Variants in CACNA1A observed in about 807,000 individuals in gnomAD.
CACNA1A encodes the protein voltage-dependent P/Q-type calcium channel subunit alpha-1A.
Under a neutral mutation model 262.4 loss-of-function variants are expected in CACNA1A, and 57 were observed. The observed-to-expected ratio is 0.22, with a 90% confidence interval of 0.18 to 0.27. The LOEUF (loss-of-function observed/expected upper bound fraction) is 0.27. Ranked by LOEUF, CACNA1A falls within the 10% of genes least tolerant of loss-of-function variation. The pLI is 1.00. For synonymous variants in CACNA1A, 1,431 were observed against 1,419.3 expected, an observed-to-expected ratio of 1.01 and a Z score of -0.18; for missense variants, 2,526 against 3,562.8, an observed-to-expected ratio of 0.71 and a Z score of 7.41.
chr19:13,443,909 G>A (rs2060766586), intron 3 of CACNA1A, among the ~76,000 whole-genome samples: 1 of 152,134 alleles, frequency 6.6e-6, no homozygotes, highest in Non-Finnish European at 1.5e-5. Flanking sequence ...CTGTACAAAG[G>A]CTAGCGAGGC....
intron 3 of CACNA1A, among the ~76,000 whole-genome samples, chr19:13,410,182 T>C (rs925224411): frequency 2.0e-5 from 3 of 151,880 alleles, no homozygotes; most frequent in Admixed American, 6.6e-5. Flanking sequence ...CATGTTTTTC[T>C]CCCCTAATAG....
At chr19:13,495,784 C>T (rs564476444) in intron 1 of CACNA1A, among the ~76,000 whole-genome samples, 1 of 151,976 alleles carries the variant, frequency 6.6e-6, no homozygotes, top group Non-Finnish European at 1.5e-5. Flanking sequence ...ATCCACTCAT[C>T]CACCCATCCA....
chr19:13,212,827 T>TACACACACACACACACACACACACAC lies in CACNA1A; in HGVS notation c.5941-88_5941-87insGTGTGTGTGTGTGTGTGTGTGTGTGT, dbSNP rs61178346. 2 of 472,548 alleles carry TACACACACACACACACACACACACAC rather than the reference T, an allele frequency of 4.2e-6. No homozygotes were observed. The highest frequency in any genetic ancestry group is 4.1e-5 in the African/African-American group (2 of 48,454). The allele number at this position is 472,548 out of a possible 1,614,324, so 29.3% of individuals were successfully genotyped here. A position where few individuals can be genotyped will look rare whatever the true frequency, so the allele number is the denominator to read the frequency against. The stretch of plus-strand genomic sequence containing the variant: ...AGAAGGCATTGCGACATCCCCAGTA[T>TACACACACACACACACACACACACAC]ACACACACACACACACACACACTCT... On this transcript the variant is annotated intron_variant, in intron 40 of 46. Coordinates refer to ENST00000360228, the MANE Select transcript of CACNA1A (RefSeq NM_001127222.2). The surrounding 1 kb of genome is among the most constrained non-coding windows in gnomAD (Gnocchi z 5.6).
rs2054592025 is a variant in CACNA1A, at chr19:13,206,974, C to CA, written c.*338dup. On this transcript the variant is annotated 3_prime_UTR_variant, in exon 47 of 47. Transcript: ENST00000360228. ...TTTTTTTTTTTTTTTTTTTTTTTTT[C>CA]ATGTTCCCCAAAGTTCTCCAAAAAT... 2 of 44,672 alleles carry CA rather than the reference C, an allele frequency of 4.5e-5. No homozygotes were observed. The highest frequency in any genetic ancestry group is 5.9e-4 in the East Asian group (1 of 1,708). The allele number at this position is 44,672 out of a possible 1,614,324, so 2.8% of individuals were successfully genotyped here.
chr19:13,429,341 C>T (rs113408694), intron 3 of CACNA1A, among the ~76,000 whole-genome samples: 169 of 151,720 alleles, frequency 1.1e-3, no homozygotes, highest in Middle Eastern at 3.4e-3. Flanking sequence ...AGATGCCACA[C>T]GCTGCCTGCC....
intron 10 of CACNA1A, among the ~76,000 whole-genome samples, chr19:13,319,037 T>C (rs1379293334): frequency 4.0e-5 from 6 of 151,730 alleles, no homozygotes; most frequent in African/African-American, 1.2e-4. Flanking sequence ...TACAGGCACG[T>C]ACCACCATGC....
intron 24 of CACNA1A, among the ~76,000 whole-genome samples, chr19:13,265,569 C>T (rs1169901869): frequency 6.6e-6 from 1 of 152,142 alleles, no homozygotes; most frequent in Non-Finnish European, 1.5e-5. Context: ...GTGAGACACA[C>T]GTTGGACAGT....
chr19:13,449,738 GA>G (rs2060881174), intron 3 of CACNA1A, among the ~76,000 whole-genome samples: 1 of 152,178 alleles, frequency 6.6e-6, no homozygotes, highest in Non-Finnish European at 1.5e-5. Context: ...GCCAAAGTGT[GA>G]ATACATAAAT....
chr19:13,466,091 T>A (rs1235704192), intron 1 of CACNA1A, among the ~76,000 whole-genome samples: 2 of 152,038 alleles, frequency 1.3e-5, no homozygotes, highest in Non-Finnish European at 2.9e-5. Context: ...TAGACAGAGG[T>A]GGTAGTTACA....
chr19:13,226,878 A>AG (rs1485051517), intron 37 of CACNA1A: 2 of 152,502 alleles, frequency 1.3e-5, no homozygotes, highest in East Asian at 3.9e-4. Flanking sequence ...GAAGGAAGGG[A>AG]GGGGAAGAGA....
intron 3 of CACNA1A, among the ~76,000 whole-genome samples, chr19:13,413,318 G>T (rs796509116): frequency 1.9e-4 from 28 of 151,300 alleles, no homozygotes; most frequent in Non-Finnish European, 1.3e-4. Flanking sequence ...GTGTTAGCCA[G>T]GATGGTCTCA....
At chr19:13,232,510 T>A (rs572708392) in intron 34 of CACNA1A, among the ~76,000 whole-genome samples, 1 of 151,790 alleles carries the variant, frequency 6.6e-6, no homozygotes, top group East Asian at 1.9e-4. Flanking sequence ...GGTGGGTGGA[T>A]CACGAGGTCA....
intron 10 of CACNA1A, among the ~76,000 whole-genome samples, chr19:13,328,398 T>C (rs1425753811): frequency 6.6e-6 from 1 of 152,092 alleles, no homozygotes; most frequent in Non-Finnish European, 1.5e-5. Context: ...AAATTAAAAA[T>C]GCAAATGAAA....
rs1045801036 is a variant in CACNA1A at position 13,206,513 on chromosome 19, G to T, written c.*800C>A. On this transcript the variant is annotated 3_prime_UTR_variant, in exon 47 of 47. Transcript: ENST00000360228. ...CAATAATTCACAGTCCCAAGCCCAC[G>T]GTTTTCAAACAAGGTAGGAAAAAAG... The T allele has an allele frequency of 1.3e-5, 2 of 151,874 alleles. No individual in the cohort carries two copies. 9.4% of individuals were successfully genotyped at this position (151,874 alleles called of 1,614,324 possible). A position where few individuals can be genotyped will look rare whatever the true frequency, so the allele number is the denominator to read the frequency against.
intron 10 of CACNA1A, among the ~76,000 whole-genome samples, chr19:13,321,736 A>G (rs2058257305): frequency 6.6e-6 from 1 of 152,172 alleles, no homozygotes. Context: ...TCAGCTGCAT[A>G]GGGTACTTGG....
chr19:13,232,858 G>A (rs184789091), intron 34 of CACNA1A, among the ~76,000 whole-genome samples: 156 of 151,508 alleles, frequency 1.0e-3, no homozygotes, highest in Non-Finnish European at 1.6e-3. Flanking sequence ...AGAACGGCCT[G>A]ACCAACATGG....
chr19:13,332,339 G>T (rs907008635), intron 9 of CACNA1A, among the ~76,000 whole-genome samples: 1 of 152,006 alleles, frequency 6.6e-6, no homozygotes, highest in African/African-American at 2.4e-5. Context: ...GCCAGAGGTT[G>T]CAGTGAGGTG....
chr19:13,249,036 G>A (rs757065643), intron 30 of CACNA1A, among the ~76,000 whole-genome samples: 11 of 152,028 alleles, frequency 7.2e-5, no homozygotes, highest in East Asian at 1.9e-4. Context: ...TGATGTGATC[G>A]CAGCTCACTG....
At chr19:13,230,266 A>G in intron 35 of CACNA1A, 57 bp from the exon 36 acceptor site, 1 of 1,589,424 alleles carries the variant, frequency 6.3e-7, no homozygotes, top group South Asian at 1.1e-5. Context: ...GGAATGAATG[A>G]GTGAGTGAGA....
Sources: allele counts gnomAD v4.1 joint callset (sites outside exome capture counted in the v4.1 genomes callset), GRCh38; gene constraint gnomAD v4.1.1; non-coding constraint Gnocchi (gnomAD v3.1); transcripts MANE v1.5; gene names NCBI Gene and HGNC (gene_info 2026-07-23, HGNC 2026-07-21).